SLC30A8: variants seen among roughly 807,000 people sequenced by gnomAD.
SLC30A8 encodes the protein solute carrier family 30 member 8, also known as proton-coupled zinc antiporter SLC30A8.
Under a neutral mutation model 36.9 loss-of-function variants are expected in SLC30A8, and 27 were observed. That is an observed-to-expected ratio of 0.73 (90% CI 0.54 to 1.01). SLC30A8 has a LOEUF of 1.01. Among genes scored for constraint, SLC30A8 ranks in the 50% least tolerant of loss-of-function variants. SLC30A8 has a pLI of 0.00. For missense variants in SLC30A8, 439 were observed against 452.0 expected (o/e 0.97, Z 0.26); for synonymous variants, 164 against 172.4 (o/e 0.95, Z 0.38).
At chr8:117,163,025 C>T (rs2129680758) in intron 5 of SLC30A8, among the ~76,000 whole-genome samples, 1 of 152,316 alleles carries the variant, frequency 6.6e-6, no homozygotes, top group Non-Finnish European at 1.5e-5. Context: ...CAAGTTATGT[C>T]CTTTCTTCTG....
At chr8:116,981,839 CTG>C (rs1815276519) in intron 1 of SLC30A8, among the ~76,000 whole-genome samples, 2 of 152,058 alleles carry the variant, frequency 1.3e-5, no homozygotes, top group African/African-American at 4.8e-5. Context: ...TAGGTTGATT[CTG>C]TGTCTTTGCT....
chr8:117,087,110 G>A lies in SLC30A8; in HGVS notation c.-226+47852G>A, dbSNP rs115573151. Among the ~76,000 whole-genome samples the A allele has an allele frequency of 4.7e-3, 715 of 152,232 alleles. 2 individuals carry two copies. The highest frequency in any genetic ancestry group is 0.017 in the African/African-American group (693 of 41,538). ...ATCTGGGGTTATAATGGGATTTCTC[G>A]GAAATGGAATCTAGGGATATGGTAG... On this transcript the variant is annotated intron_variant, in intron 2 of 10. Transcript: ENST00000427715.
chr8:117,078,315 C>T (rs1423273253), intron 2 of SLC30A8, among the ~76,000 whole-genome samples: 4 of 152,112 alleles, frequency 2.6e-5, no homozygotes, highest in Non-Finnish European at 5.9e-5. Context: ...CTGCTTGCTT[C>T]CTAAGTGCCA....
intron 6 of SLC30A8, among the ~76,000 whole-genome samples, chr8:117,167,999 G>T (rs1405362233): frequency 6.6e-6 from 1 of 152,058 alleles, no homozygotes; most frequent in Non-Finnish European, 1.5e-5. Context: ...GCAGGCAAGA[G>T]AGCTTTTTCA....
At chr8:117,131,595 C>T (rs980448768), upstream of SLC30A8, among the ~76,000 whole-genome samples, 22 of 152,072 alleles carry the variant, frequency 1.4e-4, no homozygotes, top group South Asian at 1.0e-3. Flanking sequence ...GTCATAGAGC[C>T]GATAGCTGAA....
chr8:117,084,314 A>T (rs935009040), intron 2 of SLC30A8, among the ~76,000 whole-genome samples: 42 of 152,298 alleles, frequency 2.8e-4, no homozygotes, highest in African/African-American at 9.6e-4. Context: ...GACTGGTACC[A>T]CATTAGGAAA....
chr8:117,164,968 C>T (rs1822985837), intron 6 of SLC30A8, among the ~76,000 whole-genome samples: 1 of 152,158 alleles, frequency 6.6e-6, no homozygotes, highest in South Asian at 2.1e-4. Flanking sequence ...TGCCTCCTCT[C>T]CCCCATTCTG....
intron 2 of SLC30A8, among the ~76,000 whole-genome samples, chr8:117,098,005 T>C (rs1202108098): frequency 1.5e-5 from 2 of 130,272 alleles, no homozygotes; most frequent in South Asian, 2.2e-4. Context: ...AAATATATAA[T>C]ATATATTTAT....
chr8:117,135,503 G>A (rs1821321935), intron 1 of SLC30A8, 105 bp downstream of exon 1: 3 of 725,126 alleles, frequency 4.1e-6, no homozygotes, highest in Admixed American at 2.8e-5. Flanking sequence ...CAACTTGGGG[G>A]CACTCTGGAA....
intron 7 of SLC30A8, among the ~76,000 whole-genome samples, chr8:117,172,050 A>G (rs958805375): frequency 6.6e-6 from 1 of 152,064 alleles, no homozygotes; most frequent in Admixed American, 6.6e-5. Flanking sequence ...CAGCCTGCTG[A>G]TAGCATTTGG....
At chr8:117,090,587 T>C (rs956065351) in intron 2 of SLC30A8, among the ~76,000 whole-genome samples, 4 of 152,076 alleles carry the variant, frequency 2.6e-5, no homozygotes, top group African/African-American at 4.8e-5. Flanking sequence ...CTACTTAGGG[T>C]TTCTTAATAA....
intron 1 of SLC30A8, among the ~76,000 whole-genome samples, chr8:117,015,817 T>A (rs1485609110): frequency 1.3e-5 from 2 of 152,168 alleles, no homozygotes; most frequent in Non-Finnish European, 2.9e-5. Flanking sequence ...CTTCAAATGA[T>A]CCTAATTGGT....
intron 1 of SLC30A8, among the ~76,000 whole-genome samples, chr8:117,003,122 C>A (rs1816067022): frequency 6.6e-6 from 1 of 152,136 alleles, no homozygotes. Context: ...TCTGCTGCAG[C>A]ACTTCTGCTG....
At chr8:116,992,227 C>T (rs1344283598) in intron 1 of SLC30A8, among the ~76,000 whole-genome samples, 1 of 152,036 alleles carries the variant, frequency 6.6e-6, no homozygotes, top group East Asian at 1.9e-4. Context: ...TAGGTGTTAT[C>T]TTATTTTAAC....
At chr8:117,153,795 G>A (rs1245205144) in intron 3 of SLC30A8, among the ~76,000 whole-genome samples, 1 of 151,706 alleles carries the variant, frequency 6.6e-6, no homozygotes, top group Non-Finnish European at 1.5e-5. Context: ...GTAACAGGAG[G>A]AAAGCAAACA....
At chr8:117,085,943 G>A (rs1389756942) in intron 2 of SLC30A8, among the ~76,000 whole-genome samples, 1 of 152,158 alleles carries the variant, frequency 6.6e-6, no homozygotes, top group Non-Finnish European at 1.5e-5. Flanking sequence ...TTCCAAGAGA[G>A]TTGAAGGATT....
chr8:117,066,541 A>C (rs997913476), intron 2 of SLC30A8, among the ~76,000 whole-genome samples: 3 of 152,002 alleles, frequency 2.0e-5, no homozygotes, highest in African/African-American at 7.3e-5. Flanking sequence ...ACTCACTTCA[A>C]CTGTTTCAGG....
chr8:116,987,259 G>A (rs552109563), intron 1 of SLC30A8, among the ~76,000 whole-genome samples: 79 of 148,632 alleles, frequency 5.3e-4, no homozygotes, highest in African/African-American at 1.9e-3. Flanking sequence ...GACACAGGAA[G>A]GGGAACATCA....
rs1333939658 is a variant in SLC30A8 at position 117,160,434 on chromosome 8, T to TGTGTGC, written c.573-1303_573-1302insTGTGCG. ...GTGTGTGTGTGTGTGTGTGTGTGTG[T>TGTGTGC]GCGCGCACATGTGCGCGCGGTGGGG... is the stretch of plus-strand genomic sequence containing the variant. On this transcript the variant is annotated intron_variant, in intron 4 of 7. Transcript: ENST00000456015. Among the ~76,000 whole-genome samples the TGTGTGC allele has an allele frequency of 1.0e-3, 147 of 146,232 alleles. 3 individuals are homozygous for TGTGTGC. The highest frequency in any genetic ancestry group is 7.8e-3 in the East Asian group (40 of 5,134).
Sources: gnomAD v4.1 joint callset for allele counts (sites outside exome capture counted in the v4.1 genomes callset) on GRCh38, gnomAD v4.1.1 for gene constraint, MANE v1.5 for transcripts, NCBI Gene and HGNC (gene_info 2026-07-23, HGNC 2026-07-21) for gene names.